The following THRB variants were observed in gnomAD, a reference collection of about 807,000 sequenced individuals.
The protein encoded by THRB is thyroid hormone receptor beta.
A neutral mutation model predicts 47.8 loss-of-function variants in THRB; 12 were observed. That is an observed-to-expected ratio of 0.25 (90% CI 0.16 to 0.41). The LOEUF (loss-of-function observed/expected upper bound fraction) is 0.41, where lower values mean the gene tolerates loss of function less well. Ranked by LOEUF, THRB falls within the 10% of genes least tolerant of loss-of-function variation. The pLI, the probability that THRB is intolerant of heterozygous loss-of-function variation, is 1.00. For synonymous variants in THRB, 218 were observed against 212.2 expected (o/e 1.03, Z -0.24); for missense variants, 348 against 589.2 (o/e 0.59, Z 4.24).
intron 3 of THRB, among the ~76,000 whole-genome samples, chr3:24,248,215 G>A (rs541736493): frequency 6.6e-6 from 1 of 152,154 alleles, no homozygotes; most frequent in African/African-American, 2.4e-5. Context: ...CTGGGTAGGA[G>A]TATATACAAA....
chr3:24,218,788 T>C (rs1422553568), intron 4 of THRB, among the ~76,000 whole-genome samples: 1 of 152,176 alleles, frequency 6.6e-6, no homozygotes, highest in African/African-American at 2.4e-5. Context: ...GAGTTAAACA[T>C]GTAGATCAGG....
chr3:24,227,262 T>G (rs909912612), intron 4 of THRB, among the ~76,000 whole-genome samples: 4 of 152,196 alleles, frequency 2.6e-5, no homozygotes, highest in Non-Finnish European at 5.9e-5. Flanking sequence ...TGCTGTCTGG[T>G]ATCTGTGTGC....
At chr3:24,292,254 G>A (rs2056002414) in intron 3 of THRB, among the ~76,000 whole-genome samples, 1 of 152,124 alleles carries the variant, frequency 6.6e-6, no homozygotes, top group Admixed American at 6.5e-5. Context: ...GGAAGATAGG[G>A]AGGGGGCCTT....
chr3:24,390,938 A>C (rs2066523264), intron 1 of THRB, among the ~76,000 whole-genome samples: 1 of 152,062 alleles, frequency 6.6e-6, no homozygotes, highest in African/African-American at 2.4e-5. Context: ...TGATTTTGGC[A>C]GATCTAAGGC....
At chr3:24,472,240 A>G (rs1694813063) in intron 1 of THRB, among the ~76,000 whole-genome samples, 1 of 152,200 alleles carries the variant, frequency 6.6e-6, no homozygotes, top group African/African-American at 2.4e-5. Flanking sequence ...TACTGTGTCT[A>G]TACATGCCAG....
intron 2 of THRB, among the ~76,000 whole-genome samples, chr3:24,299,461 A>T: frequency 6.6e-6 from 1 of 152,034 alleles, no homozygotes; most frequent in Non-Finnish European, 1.5e-5. Flanking sequence ...AAGAAATTTA[A>T]TGTGAATAAC....
intron 4 of THRB, among the ~76,000 whole-genome samples, chr3:24,216,164 A>G (rs1216264023): frequency 6.6e-6 from 1 of 152,178 alleles, no homozygotes; most frequent in Non-Finnish European, 1.5e-5. Flanking sequence ...AAGGCAAACA[A>G]CTGAATCGTC....
In THRB at chr3:24,491,278, T is replaced by C. The variant is rs1269717933; in HGVS notation, c.-261+3374A>G. ...GTCTGATTTTGTGAAATTTTTACTATGCATTTACTCAGCACACTTATGAAA... is the reference window on the plus strand; with the variant it reads ...GTCTGATTTTGTGAAATTTTTACTACGCATTTACTCAGCACACTTATGAAA... On this transcript the variant is annotated intron_variant, in intron 1 of 10. Transcript: ENST00000646209. 2.6e-5 allele frequency among the ~76,000 whole-genome samples: 4 copies of C among 152,234 alleles called. No individual in the cohort carries two copies. The East Asian group carries it at 7.7e-4, about 29-fold the overall frequency.
rs1012580587 is a variant in THRB, at chr3:24,280,808, C to G, written c.-43+16418G>C. Among the ~76,000 whole-genome samples the G allele has an allele frequency of 2.6e-3, 396 of 151,128 alleles. 9 individuals are homozygous for G. Among genetic ancestry groups the G allele is most frequent in the East Asian group, 0.024 (126 of 5,156 alleles). On this transcript the variant is annotated intron_variant, in intron 3 of 10. Coordinates refer to ENST00000646209, the MANE Select transcript of THRB (RefSeq NM_001354712.2). ...GAAGAATGCAGAAGCCTCAGGAGCC[C>G]ATGCGATCAACTGGAAGAAAGGGTA...
At chr3:24,171,400 G>A (rs995284894) in intron 5 of THRB, among the ~76,000 whole-genome samples, 5 of 152,110 alleles carry the variant, frequency 3.3e-5, no homozygotes, top group South Asian at 2.1e-4. Context: ...CCCTCCAGAC[G>A]CTAACACATA....
At chr3:24,262,823 A>G (rs993298728) in intron 3 of THRB, among the ~76,000 whole-genome samples, 2 of 152,312 alleles carry the variant, frequency 1.3e-5, no homozygotes, top group East Asian at 3.9e-4. Flanking sequence ...ACTAGACGGT[A>G]AACACCATGA....
intron 3 of THRB, among the ~76,000 whole-genome samples, chr3:24,292,679 G>T (rs1306865100): frequency 1.3e-5 from 2 of 152,144 alleles, no homozygotes; most frequent in Non-Finnish European, 2.9e-5. Context: ...AATAAATCTT[G>T]TCGAGTAAAG....
intron 4 of THRB, among the ~76,000 whole-genome samples, chr3:24,198,140 C>A (rs1014088457): frequency 1.3e-5 from 2 of 152,106 alleles, no homozygotes; most frequent in African/African-American, 4.8e-5. Flanking sequence ...AGTGCCTGCT[C>A]GCTTCCATTT....
chr3:24,161,467 A>G (rs1017460194), intron 5 of THRB, among the ~76,000 whole-genome samples: 2 of 152,118 alleles, frequency 1.3e-5, no homozygotes, highest in African/African-American at 4.8e-5. Flanking sequence ...AGAGGAAGAA[A>G]GAGATGGAGG....
At chr3:24,444,022 C>T (rs1359215961) in intron 1 of THRB, among the ~76,000 whole-genome samples, 1 of 151,940 alleles carries the variant, frequency 6.6e-6, no homozygotes, top group Non-Finnish European at 1.5e-5. Context: ...TTCCAAAACC[C>T]ATTTTTTTAA....
intron 1 of THRB, among the ~76,000 whole-genome samples, chr3:24,477,553 G>A (rs528598067): frequency 6.6e-6 from 1 of 152,106 alleles, no homozygotes; most frequent in South Asian, 2.1e-4. Context: ...CTGGTCTGGG[G>A]GCACCACACT....
chr3:24,278,636 A>G (rs73039678), intron 3 of THRB, among the ~76,000 whole-genome samples: 2,766 of 152,318 alleles, frequency 0.018, 53 homozygotes, highest in Non-Finnish European at 0.025. Context: ...AGACAACAAG[A>G]TTAAAAAAAT....
Position 24,454,024 on chromosome 3 carries a change from C to T in THRB, c.-261+40628G>A, listed in dbSNP as rs149317291. ...CTACTTTCATGGCAATAAAAAAATG[C>T]ATTCCAGGAGGAAATATAAAACGAA... On this transcript the variant is annotated intron_variant, in intron 1 of 10. Coordinates refer to ENST00000646209, the MANE Select transcript of THRB (RefSeq NM_001354712.2). Among the ~76,000 whole-genome samples the T allele has an allele frequency of 3.9e-3, 590 of 152,246 alleles. 5 individuals carry two copies. Among genetic ancestry groups the T allele is most frequent in the African/African-American group, 0.013 (553 of 41,550 alleles).
chr3:24,378,256 A>T (rs9826887), intron 1 of THRB, among the ~76,000 whole-genome samples: 80,192 of 152,048 alleles, frequency 0.53, 21,952 homozygotes, highest in African/African-American at 0.67. Flanking sequence ...TGATATGACA[A>T]ATAAAAATAA....
Sources: gnomAD v4.1 joint callset for allele counts (sites outside exome capture counted in the v4.1 genomes callset) on GRCh38, gnomAD v4.1.1 for gene constraint, MANE v1.5 for transcripts, NCBI Gene and HGNC (gene_info 2026-07-23, HGNC 2026-07-21) for gene names.